Variants in CPEB3 observed in about 807,000 individuals in gnomAD.
CPEB3 encodes the protein cytoplasmic polyadenylation element-binding protein 3.
In CPEB3, 20 loss-of-function variants were observed where a neutral mutation model predicts 67.2. That is an observed-to-expected ratio of 0.30 (90% CI 0.21 to 0.43). CPEB3 has a LOEUF of 0.43. Ranked by LOEUF, CPEB3 falls within the 20% of genes least tolerant of loss-of-function variation. The pLI is 1.00. For missense variants in CPEB3, 746 were observed against 968.6 expected, an observed-to-expected ratio of 0.77 and a Z score of 3.05; for synonymous variants, 376 against 393.1, an observed-to-expected ratio of 0.96 and a Z score of 0.51.
intron 4 of CPEB3, among the ~76,000 whole-genome samples, chr10:92,165,497 C>T (rs1847697837): frequency 7.1e-6 from 1 of 140,118 alleles, no homozygotes; most frequent in Non-Finnish European, 1.5e-5. Context: ...GTTGGGGTGG[C>T]TGAGGCAATA....
chr10:92,262,246 T>C (rs979419843), intron 1 of CPEB3, among the ~76,000 whole-genome samples: 1 of 152,160 alleles, frequency 6.6e-6, no homozygotes, highest in Non-Finnish European at 1.5e-5. Context: ...CATTATATTA[T>C]GGAGATGATG....
intron 7 of CPEB3, among the ~76,000 whole-genome samples, chr10:92,103,626 A>C (rs1844297864): frequency 6.6e-6 from 1 of 152,250 alleles, no homozygotes; most frequent in African/African-American, 2.4e-5. Flanking sequence ...CTAGTGAGTG[A>C]CTAACCACTC....
chr10:92,129,075 G>C (rs552719460), intron 6 of CPEB3, among the ~76,000 whole-genome samples: 2 of 152,290 alleles, frequency 1.3e-5, no homozygotes, highest in East Asian at 3.9e-4. Context: ...CAATAGCAAA[G>C]ACATGGAATC....
At chr10:92,284,617 G>T (rs1036360954) in intron 1 of CPEB3, among the ~76,000 whole-genome samples, 5 of 151,864 alleles carry the variant, frequency 3.3e-5, no homozygotes, top group African/African-American at 1.2e-4. Context: ...TGGGGCCTCG[G>T]TATAACAGAC....
chr10:92,266,990 C>T (rs899121868), intron 1 of CPEB3, among the ~76,000 whole-genome samples: 3 of 151,842 alleles, frequency 2.0e-5, no homozygotes, highest in African/African-American at 4.8e-5. Context: ...GCCAAGATTG[C>T]GCCATCACAC....
At chr10:92,097,691 G>A (rs1221348581) in intron 7 of CPEB3, among the ~76,000 whole-genome samples, 2 of 152,134 alleles carry the variant, frequency 1.3e-5, no homozygotes, top group Non-Finnish European at 2.9e-5. Flanking sequence ...ACAGTTAGTA[G>A]TGAAATCACT....
At chr10:92,196,418 A>C (rs1849236978) in intron 2 of CPEB3, among the ~76,000 whole-genome samples, 1 of 152,174 alleles carries the variant, frequency 6.6e-6, no homozygotes. Flanking sequence ...TGGCTCTCCC[A>C]CTTACTGGCA....
rs1787614666 is a variant in CPEB3 at position 92,248,294 on chromosome 10, A to C, written c.-11-7933T>G. Among the ~76,000 whole-genome samples, 6 of 152,218 alleles carry C rather than the reference A, an allele frequency of 3.9e-5. No homozygotes were observed. The South Asian group carries it at 1.2e-3, about 32-fold the overall frequency. On this transcript the variant is annotated intron_variant, in intron 1 of 9. Transcript: ENST00000265997. ...TATTGTTTAGGGAATAATGACAAAAAAAGTTTGTACGTGTTCAGTACAAAT... is the reference window on the plus strand; with the variant it reads ...TATTGTTTAGGGAATAATGACAAAACAAGTTTGTACGTGTTCAGTACAAAT...
intron 2 of CPEB3, among the ~76,000 whole-genome samples, chr10:92,209,814 G>A (rs772562899): frequency 2.0e-4 from 31 of 151,780 alleles, no homozygotes; most frequent in Admixed American, 1.8e-3. Flanking sequence ...GCAGGCGCCT[G>A]TAATCCCAGC....
At chr10:92,073,278 A>G (rs1388246775) in intron 9 of CPEB3, among the ~76,000 whole-genome samples, 1 of 151,394 alleles carries the variant, frequency 6.6e-6, no homozygotes, top group Non-Finnish European at 1.5e-5. Flanking sequence ...GCCTCAAGTG[A>G]TCCTTCCACC....
intron 6 of CPEB3, among the ~76,000 whole-genome samples, chr10:92,123,247 T>C (rs1056642062): frequency 6.6e-6 from 1 of 152,182 alleles, no homozygotes; most frequent in African/African-American, 2.4e-5. Context: ...TTGTGAAGTC[T>C]GCCAATCTGT....
intron 3 of CPEB3, among the ~76,000 whole-genome samples, chr10:92,182,544 G>A (rs1329812764): frequency 6.6e-6 from 1 of 152,154 alleles, no homozygotes; most frequent in Admixed American, 6.5e-5. Flanking sequence ...AGGTAGGGAA[G>A]GCCGGGCGCA....
At chr10:92,163,113 A>T (rs1847572186) in intron 4 of CPEB3, among the ~76,000 whole-genome samples, 1 of 152,190 alleles carries the variant, frequency 6.6e-6, no homozygotes, top group African/African-American at 2.4e-5. Context: ...TTACAGTATC[A>T]TATAGAATAG....
At chr10:92,189,603 G>A (rs1848860564) in intron 3 of CPEB3, among the ~76,000 whole-genome samples, 2 of 151,092 alleles carry the variant, frequency 1.3e-5, no homozygotes, top group African/African-American at 4.9e-5. Context: ...AGACTGAGTT[G>A]AAATTTCATC....
At position 92,225,630 on chromosome 10, in the gene CPEB3, A is replaced by T. The variant is rs182148167; in HGVS notation, c.1005+13716T>A. Among the ~76,000 whole-genome samples, 85 of 152,382 alleles carry T rather than the reference A, an allele frequency of 5.6e-4. No homozygotes were observed. In the Middle Eastern group the frequency reaches 0.01, roughly 18 times the overall value. ...GGATTCCCATAATGGAATATTATGC[A>T]ATCATCAAAATGTTTATAAATTATA... On this transcript the variant is annotated intron_variant, in intron 2 of 9. Transcript: ENST00000265997.
chr10:92,241,872 C>T (rs1812672567), intron 1 of CPEB3, among the ~76,000 whole-genome samples: 1 of 152,112 alleles, frequency 6.6e-6, no homozygotes, highest in African/African-American at 2.4e-5. Context: ...TGATTCAGTA[C>T]AATTGCAACA....
At chr10:92,132,793 A>T (rs1378923823) in intron 6 of CPEB3, among the ~76,000 whole-genome samples, 1 of 152,240 alleles carries the variant, frequency 6.6e-6, no homozygotes, top group Non-Finnish European at 1.5e-5. Flanking sequence ...CAAATGTGAA[A>T]GAACAGAAAT....
intron 1 of CPEB3, among the ~76,000 whole-genome samples, chr10:92,281,145 G>A (rs1024266610): frequency 7.3e-5 from 11 of 151,406 alleles, no homozygotes; most frequent in Non-Finnish European, 1.2e-4. Context: ...ATTTAAAGAC[G>A]GACAAAGGAC....
intron 1 of CPEB3, among the ~76,000 whole-genome samples, chr10:92,277,184 CTT>C (rs1301749903): frequency 1.3e-5 from 2 of 152,058 alleles, no homozygotes; most frequent in African/African-American, 2.4e-5. Context: ...GTTGCTTATG[CTT>C]TTGTTATTAA....
Sources: gnomAD v4.1 joint callset for allele counts (sites outside exome capture counted in the v4.1 genomes callset) on GRCh38, gnomAD v4.1.1 for gene constraint, MANE v1.5 for transcripts, NCBI Gene and HGNC (gene_info 2026-07-23, HGNC 2026-07-21) for gene names.